Variants in EMID1 observed in about 807,000 individuals in gnomAD.
The protein encoded by EMID1 is EMI domain containing 1, also known as EMI domain-containing protein 1.
EMID1 carries 40 observed loss-of-function variants against 60.6 expected under a neutral mutation model. The observed-to-expected ratio is 0.66, with a 90% CI of 0.51 to 0.86. The LOEUF (loss-of-function observed/expected upper bound fraction) is 0.86, where lower values mean the gene tolerates loss of function less well. Ranked by LOEUF, EMID1 falls within the 40% of genes least tolerant of loss-of-function variation. EMID1 has a pLI of 0.00. For synonymous variants in EMID1, 242 were observed against 231.0 expected, an observed-to-expected ratio of 1.05 and a Z score of -0.43; for missense variants, 585 against 597.1, an observed-to-expected ratio of 0.98 and a Z score of 0.21.
intron 2 of EMID1, 62 bp downstream of exon 2, chr22:29,215,101 C>T: frequency 6.8e-7 from 1 of 1,481,164 alleles, no homozygotes; most frequent in South Asian, 1.4e-5. Context: ...GGGCAAAGGC[C>T]TGGTTGGGGG....
intron 14 of EMID1, chr22:29,254,508 G>A (rs1602062950): frequency 1.8e-6 from 1 of 545,528 alleles, no homozygotes; most frequent in Non-Finnish European, 3.3e-6. Context: ...CCCTGCTGCT[G>A]TGGTCAGACC....
chr22:29,215,640 C>T lies in EMID1; in HGVS notation c.319+10C>T, dbSNP rs2040053318. On this transcript the variant is annotated intron_variant, in intron 3 of 14. Coordinates refer to ENST00000334018, the MANE Select transcript of EMID1 (RefSeq NM_133455.4). ...GTGAGCTGCGAGGAAGGTAGGACTG[C>T]CCGGCCGGCTCCCGGAGCCCTGCGA... 1 of 1,612,254 alleles carries T rather than the reference C, an allele frequency of 6.2e-7. No homozygotes were observed. The highest frequency in any genetic ancestry group is 1.3e-5 in the African/African-American group (1 of 74,878).
intron 7 of EMID1, 38 bp from the exon 8 acceptor site, chr22:29,232,218 C>T (rs781344734): frequency 1.6e-4 from 258 of 1,611,068 alleles, no homozygotes; most frequent in Non-Finnish European, 2.1e-4. Flanking sequence ...GCCTCCTTGC[C>T]TCCTGTATAC....
chr22:29,232,662 A>C, intron 8 of EMID1: 2 of 447,952 alleles, frequency 4.5e-6, no homozygotes, highest in South Asian at 4.1e-5. Flanking sequence ...TGCCTCCAGA[A>C]CCTGTGCTTA....
In EMID1 at chr22:29,259,487, G is replaced by A. The variant is rs1207093110; in HGVS notation, c.*543G>A. 1 of 167,894 alleles carries A rather than the reference G, an allele frequency of 6.0e-6. No individual in the cohort carries two copies. Among genetic ancestry groups the A allele is most frequent in the Non-Finnish European group, 1.3e-5 (1 of 78,908 alleles). 10.4% of individuals were successfully genotyped at this position (167,894 alleles called of 1,614,324 possible). ...CCCAGGCCCTCCCGCATCTCAGGTTGGGGATGGGGACATGGAGAGGAAGGG... is the reference window on the plus strand; with the variant it reads ...CCCAGGCCCTCCCGCATCTCAGGTTAGGGATGGGGACATGGAGAGGAAGGG... On this transcript the variant is annotated 3_prime_UTR_variant, in exon 15 of 15. Transcript: ENST00000334018.
chr22:29,257,923 A>G (rs2041761121), intron 14 of EMID1, among the ~76,000 whole-genome samples: 3 of 152,176 alleles, frequency 2.0e-5, no homozygotes, highest in South Asian at 4.1e-4. Flanking sequence ...CAGTGACCAC[A>G]CATGCCTGTC....
chr22:29,254,421 C>CTGAG (rs970089037), intron 14 of EMID1, 134 bp downstream of exon 14: 2 of 815,978 alleles, frequency 2.5e-6, no homozygotes, highest in African/African-American at 3.4e-5. Context: ...AAGCATGGAC[C>CTGAG]TGAGAGGCCA....
At chr22:29,245,071 A>T (rs1041374762) in intron 13 of EMID1, among the ~76,000 whole-genome samples, 11 of 149,866 alleles carry the variant, frequency 7.3e-5, no homozygotes, top group Admixed American at 5.3e-4. Flanking sequence ...GGAGCCCCCT[A>T]CCCTGCACGA....
chr22:29,258,006 T>G (rs1181786603), intron 14 of EMID1, among the ~76,000 whole-genome samples: 1 of 152,210 alleles, frequency 6.6e-6, no homozygotes, highest in African/African-American at 2.4e-5. Flanking sequence ...GCACTGGCAG[T>G]CATGATTACG....
chr22:29,250,733 ATTTTTTTTTTTTTTTTTTTTTT>A (rs748172215), intron 13 of EMID1, among the ~76,000 whole-genome samples: 2 of 22,476 alleles, frequency 8.9e-5, no homozygotes, highest in East Asian at 1.8e-3. Flanking sequence ...CACCCGGCTA[ATTTTTTTTTTTTTTTTTTTTTT>A]TTTTTTTTTT....
rs1165638792 is a variant in EMID1, at chr22:29,231,388, G to A, written c.587-205G>A. On this transcript the variant is annotated intron_variant, in intron 6 of 14. Transcript: ENST00000334018. Reference sequence around the variant, plus strand: ...GAGGTCGGGGGGAGCTGGGAGTGGGGATTCTGGATGAGCCTCCCTCCTCCA... The same window carrying A: ...GAGGTCGGGGGGAGCTGGGAGTGGGAATTCTGGATGAGCCTCCCTCCTCCA... The A allele has an allele frequency of 4.9e-6, 4 of 810,746 alleles. No homozygotes were observed. The East Asian group carries it at 1.1e-4, about 22-fold the overall frequency. The allele number at this position is 810,746 out of a possible 1,614,324, so 50.2% of individuals were successfully genotyped here.
In EMID1 at chr22:29,234,359, GC is replaced by G. The variant is rs755774191; in HGVS notation, c.1074+11del. 1.9e-6 allele frequency: 3 copies of G among 1,612,912 alleles called. No individual in the cohort carries two copies. Among genetic ancestry groups the G allele is most frequent in the Non-Finnish European group, 2.5e-6 (3 of 1,179,790 alleles). On this transcript the variant is annotated intron_variant, in intron 12 of 14. Transcript: ENST00000334018. ...CTCTGCTGGGCAGCGGGTAAGTGTTGCTGTCTGTCCCGCATTCATCCCTGCA... is the reference window on the plus strand; with the variant it reads ...CTCTGCTGGGCAGCGGGTAAGTGTTGTGTCTGTCCCGCATTCATCCCTGCA...
Position 29,206,136 on chromosome 22 carries a change from G to A in EMID1, c.98G>A (p.Arg33His), listed in dbSNP as rs1197405845. ...WSIGAAPFSG[R>H]RNWCSYVVTR... ...ATCGGGGCAGCTCCGTTCTCCGGAC[G>A]CAGGTAAGAGCTCCCGGCGCCTTTG... is the stretch of plus-strand genomic sequence containing the variant. The change falls in exon 1 of 15, where the codon CGC becomes CAC. Residue 33 changes from arginine (R) to histidine (H), a missense_variant. Arg to His is a conservative substitution (Grantham distance 29). Transcript: ENST00000334018. 4.1e-6 allele frequency: 5 copies of A among 1,230,420 alleles called. No individual in the cohort carries two copies. The highest frequency in any genetic ancestry group is 3.0e-4 in the Middle Eastern group (1 of 3,352). The allele number at this position is 1,230,420 out of a possible 1,614,324, so 76.2% of individuals were successfully genotyped here.
intron 13 of EMID1, among the ~76,000 whole-genome samples, chr22:29,246,156 G>C (rs1032518875): frequency 2.0e-5 from 3 of 152,204 alleles, no homozygotes; most frequent in Non-Finnish European, 4.4e-5. Context: ...GGTACAACAG[G>C]TGCAAAGGCC....
chr22:29,231,252 G>A, intron 6 of EMID1, 112 bp downstream of exon 6: 1 of 1,428,364 alleles, frequency 7.0e-7, no homozygotes. Context: ...CCTCTAGTGG[G>A]CCTCAGTCTT....
At chr22:29,223,999 C>T (rs889678331) in intron 3 of EMID1, among the ~76,000 whole-genome samples, 4 of 152,210 alleles carry the variant, frequency 2.6e-5, no homozygotes, top group East Asian at 3.9e-4. Flanking sequence ...TCCCCAGTGC[C>T]GGCCCCAGTC....
chr22:29,228,257 C>T (rs2040603240), intron 5 of EMID1, among the ~76,000 whole-genome samples: 2 of 151,538 alleles, frequency 1.3e-5, no homozygotes, highest in South Asian at 4.2e-4. Flanking sequence ...ACCCAGGAGG[C>T]AGAGGTTGCA....
chr22:29,206,125 GT>G lies in EMID1; in HGVS notation c.89del (p.Phe30SerfsTer12). 8.1e-7 allele frequency: 1 copy of G among 1,230,626 alleles called. No homozygotes were observed. The highest frequency in any genetic ancestry group is 4.2e-5 in the Admixed American group (1 of 23,682). The allele number at this position is 1,230,626 out of a possible 1,614,324, so 76.2% of individuals were successfully genotyped here. A position where few individuals can be genotyped will look rare whatever the true frequency, so the allele number is the denominator to read the frequency against. ...CTGCGTGGAGCATCGGGGCAGCTCC[GT>G]TCTCCGGACGCAGGTAAGAGCTCCC... ...GAAWSIGAAP[F>X]SGRRNWCSYV... On this transcript the variant is annotated frameshift_variant, in exon 1 of 15. Coordinates refer to ENST00000334018, the MANE Select transcript of EMID1 (RefSeq NM_133455.4). LOFTEE classifies it high-confidence loss of function.
intron 13 of EMID1, chr22:29,253,869 G>C: frequency 1.0e-6 from 1 of 979,404 alleles, no homozygotes; most frequent in Non-Finnish European, 1.2e-6. Flanking sequence ...GGACAGGAGG[G>C]CTCCCAGCAG....
Sources: gnomAD v4.1 joint callset for allele counts (sites outside exome capture counted in the v4.1 genomes callset) on GRCh38, gnomAD v4.1.1 for gene constraint, MANE v1.5 for transcripts, NCBI Gene and HGNC (gene_info 2026-07-23, HGNC 2026-07-21) for gene names.